The following LARGE1 variants were observed in gnomAD, a reference collection of about 807,000 sequenced individuals.
The protein encoded by LARGE1 is xylosyl- and glucuronyltransferase LARGE1.
LARGE1 carries 43 observed loss-of-function variants against 87.6 expected under a neutral mutation model. That is an observed-to-expected ratio of 0.49 (90% CI 0.38 to 0.63). The LOEUF (loss-of-function observed/expected upper bound fraction) is 0.63. LARGE1 is among the 30% of genes least tolerant of loss of function. The probability of loss-of-function intolerance (pLI) is 0.00; values close to 1 mark genes in which losing one functional copy is unlikely to be tolerated. For missense variants in LARGE1, 802 were observed against 1,000.2 expected (o/e 0.80, Z 2.67); for synonymous variants, 434 against 394.6 (o/e 1.10, Z -1.18).
At chr22:33,517,634 T>C (rs555408347) in intron 6 of LARGE1, among the ~76,000 whole-genome samples, 302 of 152,198 alleles carry the variant, frequency 2.0e-3, no homozygotes, top group African/African-American at 6.9e-3. Context: ...ACTCCTGACT[T>C]GTGATCCGCC....
At chr22:33,659,195 A>G (rs569771885) in intron 2 of LARGE1, among the ~76,000 whole-genome samples, 2 of 152,208 alleles carry the variant, frequency 1.3e-5, no homozygotes, top group South Asian at 4.2e-4. Flanking sequence ...CCTTATTCCA[A>G]TATATGTTTC....
chr22:33,283,364 AG>A lies in LARGE1; in HGVS notation c.1731-17del. ...GACAGACTTCCTGAAAAGAGGGGAC[AG>A]GCAGAGAGACAGAGTCCCTGTGACA... On this transcript the variant is annotated splice_polypyrimidine_tract_variant and intron_variant, in intron 12 of 14. Transcript: ENST00000397394. The A allele has an allele frequency of 1.2e-6, 2 of 1,614,150 alleles. No homozygotes were observed. The highest frequency in any genetic ancestry group is 1.7e-6 in the Non-Finnish European group (2 of 1,179,988).
At chr22:33,246,798 T>A (rs531282577) in intron 11 of LARGE1, among the ~76,000 whole-genome samples, 2 of 152,176 alleles carry the variant, frequency 1.3e-5, no homozygotes, top group East Asian at 3.9e-4. Flanking sequence ...TGACATAGAG[T>A]GTGGTCAACA....
At chr22:33,490,262 G>A (rs1339893768) in intron 6 of LARGE1, among the ~76,000 whole-genome samples, 1 of 151,930 alleles carries the variant, frequency 6.6e-6, no homozygotes, top group Non-Finnish European at 1.5e-5. Flanking sequence ...ATTTATTCAC[G>A]CCAGAAGCTC....
intron 1 of LARGE1, among the ~76,000 whole-genome samples, chr22:33,837,793 G>T (rs2063152738): frequency 6.6e-6 from 1 of 152,220 alleles, no homozygotes; most frequent in Non-Finnish European, 1.5e-5. Flanking sequence ...CTAAGGTGGT[G>T]CCTTCAGCCC....
intron 9 of LARGE1, among the ~76,000 whole-genome samples, chr22:33,344,755 CTG>C (rs1939557281): frequency 6.8e-6 from 1 of 147,718 alleles, no homozygotes; most frequent in African/African-American, 2.5e-5. Flanking sequence ...AAGCTGGTGA[CTG>C]CTAAAGAATG....
At chr22:33,604,649 T>G in intron 4 of LARGE1, 91 bp from the exon 5 acceptor site, 1 of 1,523,206 alleles carries the variant, frequency 6.6e-7, no homozygotes, top group Non-Finnish European at 9.1e-7. Context: ...GTTCCTACGG[T>G]GGGGCACGTT....
At chr22:33,422,231 G>A (rs1474974895) in intron 7 of LARGE1, among the ~76,000 whole-genome samples, 5 of 152,160 alleles carry the variant, frequency 3.3e-5, no homozygotes, top group Admixed American at 6.6e-5. Flanking sequence ...ACCACAGGCC[G>A]TTCATGTTTA....
At chr22:33,720,111 A>C (rs1460105088) in intron 2 of LARGE1, among the ~76,000 whole-genome samples, 1 of 152,204 alleles carries the variant, frequency 6.6e-6, no homozygotes, top group East Asian at 1.9e-4. Context: ...GTAATATATA[A>C]TGCAGTAATT....
rs566245698 is a variant in LARGE1 at position 33,363,148 on chromosome 22, G to A, written c.1131+18771C>T. On this transcript the variant is annotated intron_variant, in intron 9 of 14. Coordinates refer to ENST00000397394, the MANE Select transcript of LARGE1 (RefSeq NM_133642.5). Reference sequence around the variant, plus strand: ...GAGTAGCAGAGTGTGAGCTGAGGGAGACCAGGAGAGGCAGGGTCCCCCTGT... The same window carrying A: ...GAGTAGCAGAGTGTGAGCTGAGGGAAACCAGGAGAGGCAGGGTCCCCCTGT... 6.7e-5 allele frequency among the ~76,000 whole-genome samples: 10 copies of A among 150,170 alleles called. No homozygotes were observed. In the East Asian group the frequency reaches 1.7e-3, roughly 26 times the overall value.
intron 1 of LARGE1, among the ~76,000 whole-genome samples, chr22:33,873,958 A>C (rs1049073890): frequency 5.6e-3 from 718 of 127,772 alleles, no homozygotes; most frequent in African/African-American, 6.8e-3. Context: ...CTTCCACCCC[A>C]CCCGGCTGTA....
intron 11 of LARGE1, among the ~76,000 whole-genome samples, chr22:33,242,641 G>C (rs1926575720): frequency 6.6e-6 from 1 of 152,142 alleles, no homozygotes; most frequent in African/African-American, 2.4e-5. Flanking sequence ...GGTCTTGAGG[G>C]TGCTCAATTA....
chr22:33,889,646 C>T (rs949180287), intron 1 of LARGE1, among the ~76,000 whole-genome samples: 9 of 151,992 alleles, frequency 5.9e-5, no homozygotes, highest in Admixed American at 3.9e-4. Flanking sequence ...CAGGGGGTCC[C>T]GGAGGGGCTC....
At chr22:33,356,590 G>T (rs1247722091) in intron 9 of LARGE1, among the ~76,000 whole-genome samples, 9 of 152,106 alleles carry the variant, frequency 5.9e-5, no homozygotes, top group Admixed American at 5.9e-4. Flanking sequence ...TGGCCAACGT[G>T]GTAAGACCCA....
At chr22:33,835,591 T>C (rs1004822281) in intron 1 of LARGE1, among the ~76,000 whole-genome samples, 1 of 152,234 alleles carries the variant, frequency 6.6e-6, no homozygotes, top group Non-Finnish European at 1.5e-5. Flanking sequence ...AGCACTCACT[T>C]ATTCATGCTA....
At chr22:33,523,609 G>A (rs760288808) in intron 6 of LARGE1, among the ~76,000 whole-genome samples, 2 of 151,940 alleles carry the variant, frequency 1.3e-5, no homozygotes, top group Non-Finnish European at 2.9e-5. Flanking sequence ...GTCACCATTT[G>A]TCAGGAGCCC....
At chr22:33,910,201 C>T (rs1019705436) in intron 1 of LARGE1, among the ~76,000 whole-genome samples, 5 of 152,146 alleles carry the variant, frequency 3.3e-5, no homozygotes, top group African/African-American at 1.2e-4. Flanking sequence ...AGGGCAGGGA[C>T]AGGAAGCTCT....
intron 6 of LARGE1, among the ~76,000 whole-genome samples, chr22:33,434,386 C>T (rs990314235): frequency 1.3e-5 from 2 of 152,138 alleles, no homozygotes; most frequent in Non-Finnish European, 2.9e-5. Context: ...CTGCAACCTC[C>T]GCCTCCCGGG....
intron 13 of LARGE1, among the ~76,000 whole-genome samples, chr22:33,278,553 TCACACA>T (rs113415022): frequency 0.11 from 17,046 of 148,700 alleles, 1,448 homozygotes; most frequent in African/African-American, 0.24. Flanking sequence ...TCTCTCTCTC[TCACACA>T]CACACACACA....
Sources: gnomAD v4.1 joint callset for allele counts (sites outside exome capture counted in the v4.1 genomes callset) on GRCh38, gnomAD v4.1.1 for gene constraint, MANE v1.5 for transcripts, NCBI Gene and HGNC (gene_info 2026-07-23, HGNC 2026-07-21) for gene names.